KLF7: variants seen among roughly 807,000 people sequenced by gnomAD.
KLF7 encodes KLF transcription factor 7, also known as Krueppel-like factor 7.
Under a neutral mutation model 27.3 loss-of-function variants are expected in KLF7, and 2 were observed. The observed-to-expected ratio is 0.07, with a 90% confidence interval of 0.03 to 0.23. The LOEUF (loss-of-function observed/expected upper bound fraction) is 0.23, where lower values mean the gene tolerates loss of function less well. Among genes scored for constraint, KLF7 ranks in the 10% least tolerant of loss-of-function variants. KLF7 has a pLI of 1.00. For synonymous variants in KLF7, 165 were observed against 162.4 expected (o/e 1.02, Z -0.12); for missense variants, 221 against 394.1 (o/e 0.56, Z 3.72).
chr2:207,145,042 A>G (rs1191974091), intron 1 of KLF7, among the ~76,000 whole-genome samples: 1 of 152,174 alleles, frequency 6.6e-6, no homozygotes, highest in Non-Finnish European at 1.5e-5. Context: ...GACAGTGACA[A>G]CTCACCAGTC....
intron 1 of KLF7, among the ~76,000 whole-genome samples, chr2:207,153,409 A>AATAGTTAAATTT (rs1440369497): frequency 1.3e-5 from 2 of 152,258 alleles, no homozygotes; most frequent in Admixed American, 6.5e-5. Context: ...TCTCAAAAAC[A>AATAGTTAAATTT]ATAGTTAAAT....
At chr2:207,136,034 G>A (rs529130431) in intron 1 of KLF7, among the ~76,000 whole-genome samples, 2 of 152,250 alleles carry the variant, frequency 1.3e-5, no homozygotes, top group Admixed American at 6.5e-5. Flanking sequence ...TAGGATGAGT[G>A]AACAAAACGC....
At chr2:207,121,260 C>G (rs2077333273) in intron 2 of KLF7, among the ~76,000 whole-genome samples, 1 of 152,182 alleles carries the variant, frequency 6.6e-6, no homozygotes, top group African/African-American at 2.4e-5. Context: ...GAAAAAGCTT[C>G]TTGCTGTTTT....
chr2:207,140,934 T>C (rs1318648667), intron 1 of KLF7, among the ~76,000 whole-genome samples: 8 of 152,134 alleles, frequency 5.3e-5, no homozygotes. Context: ...TAAAAGACAA[T>C]GTGGAGTCAT....
chr2:207,159,770 C>A (rs139944314), intron 1 of KLF7, among the ~76,000 whole-genome samples: 1 of 152,226 alleles, frequency 6.6e-6, no homozygotes, highest in African/African-American at 2.4e-5. Context: ...CTACTGCAAA[C>A]GCTCAGCTGT....
chr2:207,118,456 C>A (rs1014157229), intron 2 of KLF7, among the ~76,000 whole-genome samples: 1 of 152,168 alleles, frequency 6.6e-6, no homozygotes, highest in African/African-American at 2.4e-5. Context: ...TTTCATCGTC[C>A]ATTTGCATTT....
upstream of KLF7, among the ~76,000 whole-genome samples, chr2:207,171,382 ATAT>A (rs1046704701): frequency 5.9e-5 from 9 of 152,306 alleles, no homozygotes; most frequent in African/African-American, 2.2e-4. Flanking sequence ...ACTACTTAGA[ATAT>A]TATTATACAT....
chr2:207,132,272 G>A (rs561073241), intron 1 of KLF7, among the ~76,000 whole-genome samples: 9 of 152,246 alleles, frequency 5.9e-5, no homozygotes, highest in Admixed American at 1.3e-4. Flanking sequence ...ATAACCAGGG[G>A]ACTACAACAA....
intron 2 of KLF7, among the ~76,000 whole-genome samples, chr2:207,119,187 C>T (rs917544600): frequency 1.3e-5 from 2 of 152,234 alleles, no homozygotes; most frequent in African/African-American, 4.8e-5. Flanking sequence ...CTTCACATCT[C>T]CCTTCACTGC....
intron 2 of KLF7, among the ~76,000 whole-genome samples, chr2:207,122,828 A>G (rs1037609171): frequency 1.3e-5 from 2 of 152,178 alleles, no homozygotes; most frequent in African/African-American, 2.4e-5. Context: ...GTGTGCAAAC[A>G]GTATGCAAAA....
chr2:207,166,774 A>G, upstream of KLF7: 1 of 988,666 alleles, frequency 1.0e-6, no homozygotes, highest in Non-Finnish European at 1.2e-6. Flanking sequence ...CAAGCAGAAA[A>G]GGCATCCAGG....
At chr2:207,111,919 A>T (rs1031110349) in intron 2 of KLF7, among the ~76,000 whole-genome samples, 4 of 152,094 alleles carry the variant, frequency 2.6e-5, no homozygotes, top group African/African-American at 9.7e-5. Context: ...ACCGGTGAAG[A>T]GGGCTGGGTA....
At chr2:207,151,617 C>T (rs2078250259) in intron 1 of KLF7, among the ~76,000 whole-genome samples, 1 of 151,978 alleles carries the variant, frequency 6.6e-6, no homozygotes, top group African/African-American at 2.4e-5. Context: ...ATAATGTCTG[C>T]CTTTCCCTTT....
rs754996930 is a variant in KLF7 at position 207,165,450 on chromosome 2, T to C, written c.102+17A>G. The C allele has an allele frequency of 1.2e-6, 2 of 1,613,972 alleles. No individual in the cohort carries two copies. Among genetic ancestry groups the C allele is most frequent in the Non-Finnish European group, 8.5e-7 (1 of 1,179,968 alleles). ...GCCGCCACCACACGATTTACACAAGTAATTTAAATCATTCACCTGCTGCCA... is the reference window on the plus strand; with the variant it reads ...GCCGCCACCACACGATTTACACAAGCAATTTAAATCATTCACCTGCTGCCA... On this transcript the variant is annotated intron_variant, in intron 1 of 3. Coordinates refer to ENST00000309446, the MANE Select transcript of KLF7 (RefSeq NM_003709.4).
chr2:207,115,031 G>C (rs892777637), intron 2 of KLF7, among the ~76,000 whole-genome samples: 4 of 152,122 alleles, frequency 2.6e-5, no homozygotes, highest in African/African-American at 9.7e-5. Context: ...ATAAGCCTAA[G>C]TATATGTTTT....
intron 2 of KLF7, among the ~76,000 whole-genome samples, chr2:207,103,348 G>A (rs561699585): frequency 1.3e-5 from 2 of 152,304 alleles, no homozygotes; most frequent in African/African-American, 4.8e-5. Flanking sequence ...AGGGACCTGA[G>A]CAATACCTCA....
intron 2 of KLF7, among the ~76,000 whole-genome samples, chr2:207,102,158 A>ACACACC (rs1199358501): frequency 9.4e-5 from 14 of 148,820 alleles, no homozygotes; most frequent in Non-Finnish European, 1.8e-4. Context: ...ACACACACAC[A>ACACACC]CCCTGCCCTC....
chr2:207,105,176 GCCAACA>G (rs2076853338), intron 2 of KLF7, among the ~76,000 whole-genome samples: 1 of 152,150 alleles, frequency 6.6e-6, no homozygotes, highest in Non-Finnish European at 1.5e-5. Context: ...AACCCCGAAG[GCCAACA>G]GCAAAGCAAG....
At chr2:207,093,486 T>G (rs2076557900) in intron 2 of KLF7, among the ~76,000 whole-genome samples, 1 of 152,228 alleles carries the variant, frequency 6.6e-6, no homozygotes, top group South Asian at 2.1e-4. Context: ...CATTCCGGTC[T>G]CTGCCTGAAT....
Sources: allele counts gnomAD v4.1 joint callset (sites outside exome capture counted in the v4.1 genomes callset), GRCh38; gene constraint gnomAD v4.1.1; transcripts MANE v1.5; gene names NCBI Gene and HGNC (gene_info 2026-07-23, HGNC 2026-07-21).